The following AGO4 variants were observed in gnomAD, a reference collection of about 807,000 sequenced individuals.
AGO4 encodes argonaute RISC component 4.
In AGO4, 33 loss-of-function variants were observed where a neutral mutation model predicts 104.7. That is an observed-to-expected ratio of 0.32 (90% CI 0.24 to 0.42). AGO4 has a LOEUF of 0.42. Ranked by LOEUF, AGO4 falls within the 10% of genes least tolerant of loss-of-function variation. The pLI is 1.00. For synonymous variants in AGO4, 331 were observed against 364.7 expected, an observed-to-expected ratio of 0.91 and a Z score of 1.05; for missense variants, 711 against 1,083.4, an observed-to-expected ratio of 0.66 and a Z score of 4.83.
intron 2 of AGO4, 82 bp downstream of exon 2, chr1:35,817,129 C>A: frequency 7.4e-7 from 1 of 1,349,462 alleles, no homozygotes; most frequent in South Asian, 1.6e-5. Flanking sequence ...TAAATTCATC[C>A]AACATGTAGG....
intron 5 of AGO4, 33 bp downstream of exon 5, chr1:35,825,848 T>C: frequency 2.5e-6 from 4 of 1,593,424 alleles, no homozygotes; most frequent in East Asian, 2.2e-5. Flanking sequence ...CAATAACTCT[T>C]TGGGCTGGTT....
intron 1 of AGO4, among the ~76,000 whole-genome samples, chr1:35,816,371 T>A (rs1054644527): frequency 1.3e-5 from 2 of 152,156 alleles, no homozygotes; most frequent in Non-Finnish European, 1.5e-5. Flanking sequence ...TAATAGCAAC[T>A]TGGCAAAATA....
At position 35,841,645 on chromosome 1, in the gene AGO4, A is replaced by G. The variant is rs1644446034; in HGVS notation, c.2070A>G (p.Arg690=). 4 of 1,613,980 alleles carry G rather than the reference A, an allele frequency of 2.5e-6. No individual in the cohort carries two copies. Among genetic ancestry groups the G allele is most frequent in the Admixed American group, 3.3e-5 (2 of 59,976 alleles). ...CTTGGCCAGAACTAATAGCAATTCGAAAGGCATGTATTAGCTTGGAAGAAG... is the reference window on the plus strand; with the variant it reads ...CTTGGCCAGAACTAATAGCAATTCGGAAGGCATGTATTAGCTTGGAAGAAG... ...QVAWPELIAI[R]KACISLEEDY... Residue 690 remains arginine, a synonymous_variant, in exon 15 of 18, where the codon CGA becomes CGG. Coordinates refer to ENST00000373210, the MANE Select transcript of AGO4 (RefSeq NM_017629.4). This position sits in a 1 kb window ranked among gnomAD's most constrained non-coding sequence, Gnocchi z 4.7.
At chr1:35,833,085 C>T (rs1175124829) in intron 11 of AGO4, among the ~76,000 whole-genome samples, 1 of 151,988 alleles carries the variant, frequency 6.6e-6, no homozygotes, top group Non-Finnish European at 1.5e-5. Context: ...TCGAGATCAT[C>T]CTGGCCAACA....
rs5773512 is a variant in AGO4 at position 35,841,811 on chromosome 1, CATATATAT to C, written c.2175+81_2175+88del. On this transcript the variant is annotated intron_variant, in intron 15 of 17. Transcript: ENST00000373210. This position sits in a 1 kb window ranked among gnomAD's most constrained non-coding sequence, Gnocchi z 4.7. ...CTCTGGCAAGAGATGTATATATGCA[CATATATAT>C]ATATATATATATATATATACACCAT... is the stretch of plus-strand genomic sequence containing the variant. 1.2e-3 allele frequency: 720 copies of C among 605,338 alleles called. 3 individuals are homozygous for C. The highest frequency in any genetic ancestry group is 8.1e-3 in the Middle Eastern group (13 of 1,614). 37.5% of individuals were successfully genotyped at this position (605,338 alleles called of 1,614,324 possible). A position where few individuals can be genotyped will look rare whatever the true frequency, so the allele number is the denominator to read the frequency against.
intron 2 of AGO4, among the ~76,000 whole-genome samples, chr1:35,818,671 AAGG>A (rs1346488712): frequency 6.9e-6 from 1 of 145,026 alleles, no homozygotes; most frequent in Non-Finnish European, 1.5e-5. Flanking sequence ...GGAAGAAAGG[AAGG>A]AAGGAAGGAA....
chr1:35,835,122 T>C lies in AGO4; in HGVS notation c.1565-712T>C, dbSNP rs536219822. The stretch of plus-strand genomic sequence containing the variant: ...GCCTCTTGGGTTCAAGTGATTCTCC[T>C]GCCTCAGCCCCCCAAGTACTGGGAC... On this transcript the variant is annotated intron_variant, in intron 12 of 17. Coordinates refer to ENST00000373210, the MANE Select transcript of AGO4 (RefSeq NM_017629.4). Among the ~76,000 whole-genome samples the C allele has an allele frequency of 8.6e-5, 13 of 150,502 alleles. No homozygotes were observed. In the East Asian group the frequency reaches 2.5e-3, roughly 29 times the overall value.
chr1:35,835,322 G>T (rs1644285656), intron 12 of AGO4, among the ~76,000 whole-genome samples: 2 of 152,122 alleles, frequency 1.3e-5, no homozygotes, highest in South Asian at 2.1e-4. Flanking sequence ...CTCCCAAAGT[G>T]CTGAGATTAC....
chr1:35,842,027 A>G (rs1305271249), intron 15 of AGO4, among the ~76,000 whole-genome samples: 1 of 151,972 alleles, frequency 6.6e-6, no homozygotes, highest in African/African-American at 2.4e-5. Flanking sequence ...GAAACATGCC[A>G]GGTACATTGT....
chr1:35,816,546 A>T (rs1024200981), intron 1 of AGO4, among the ~76,000 whole-genome samples: 21 of 152,278 alleles, frequency 1.4e-4, no homozygotes, highest in Middle Eastern at 6.8e-3. Flanking sequence ...CACGCCTGTA[A>T]TCCCAGCACT....
chr1:35,825,223 C>T (rs2148660717), intron 3 of AGO4, 90 bp from the exon 4 acceptor site: 2 of 1,324,056 alleles, frequency 1.5e-6, no homozygotes, highest in South Asian at 1.4e-5. Context: ...AAGAAATATC[C>T]TTATGCATGT....
rs748047085 is a variant in AGO4, at chr1:35,850,290, T to C, written c.2277+32T>C. The C allele has an allele frequency of 2.2e-5, 34 of 1,543,090 alleles. 1 individual carries two copies. In the East Asian group the frequency reaches 3.6e-4, roughly 16 times the overall value. Reference sequence around the variant, plus strand: ...TGGAAGCTGGTTCAGATCTTTGACTTGATAGGGAGATGTTTGCAAATTCAG... The same window carrying C: ...TGGAAGCTGGTTCAGATCTTTGACTCGATAGGGAGATGTTTGCAAATTCAG... On this transcript the variant is annotated intron_variant, in intron 16 of 17. Coordinates refer to ENST00000373210, the MANE Select transcript of AGO4 (RefSeq NM_017629.4).
In AGO4 at chr1:35,825,955, C is replaced by A. The variant is rs1201750179; in HGVS notation, c.655C>A (p.Pro219Thr). Reference protein sequence around the residue: ...VSATAFYRAQPIIEFMCEVLD... With the variant: ...VSATAFYRAQTIIEFMCEVLD... Reference sequence around the variant, plus strand: ...TGCAACTGCTTTCTACCGGGCTCAGCCTATCATTGAGTTCATGTGTGAGGT... The same window carrying A: ...TGCAACTGCTTTCTACCGGGCTCAGACTATCATTGAGTTCATGTGTGAGGT... Residue 219 changes from proline (P) to threonine (T), a missense_variant, in exon 6 of 18, where the codon CCT (proline) becomes ACT (threonine). Transcript: ENST00000373210. 2 of 1,614,048 alleles carry A rather than the reference C, an allele frequency of 1.2e-6. No individual in the cohort carries two copies. Among genetic ancestry groups the A allele is most frequent in the African/African-American group, 1.3e-5 (1 of 74,920 alleles).
chr1:35,818,689 G>A (rs1463875715), intron 2 of AGO4, among the ~76,000 whole-genome samples: 4 of 150,804 alleles, frequency 2.7e-5, no homozygotes, highest in African/African-American at 4.9e-5. Flanking sequence ...AAGGAAGGAA[G>A]GAAGGAAGGA....
intron 8 of AGO4, 116 bp downstream of exon 8, chr1:35,831,690 A>T: frequency 6.5e-7 from 1 of 1,539,564 alleles, no homozygotes; most frequent in Admixed American, 2.1e-5. Context: ...TTTTTGGCAG[A>T]TGATTTCACT....
Position 35,857,579 on chromosome 1 carries a change from G to A in AGO4, c.*3974G>A, listed in dbSNP as rs1052368181. 2.0e-5 allele frequency: 3 copies of A among 152,142 alleles called. No individual in the cohort carries two copies. The highest frequency in any genetic ancestry group is 1.9e-4 in the East Asian group (1 of 5,202). 9.4% of individuals were successfully genotyped at this position (152,142 alleles called of 1,614,324 possible). ...CTCATGTTGAGATAAGATGATGGTC[G>A]TTTAAATTTTGCAATTTTTTTTGGC... On this transcript the variant is annotated 3_prime_UTR_variant, in exon 18 of 18. Transcript: ENST00000373210.
chr1:35,835,725 G>A, intron 12 of AGO4, 109 bp from the exon 13 acceptor site: 3 of 939,248 alleles, frequency 3.2e-6, no homozygotes, highest in Non-Finnish European at 4.6e-6. Context: ...CTAGCACAGT[G>A]TACAGTATAT....
intron 13 of AGO4, among the ~76,000 whole-genome samples, chr1:35,837,272 C>T (rs1644335487): frequency 6.6e-6 from 1 of 152,010 alleles, no homozygotes; most frequent in African/African-American, 2.4e-5. Context: ...TTAGTAGAGA[C>T]AGGGTTTCAC....
At chr1:35,826,558 T>C (rs1057407563) in intron 6 of AGO4, among the ~76,000 whole-genome samples, 190 bp from the exon 7 acceptor site, 9 of 152,208 alleles carry the variant, frequency 5.9e-5, no homozygotes, top group African/African-American at 2.2e-4. Context: ...AGATTGAGCA[T>C]CTTAGGTAAT....
Sources: gnomAD v4.1 joint callset for allele counts (sites outside exome capture counted in the v4.1 genomes callset) on GRCh38, gnomAD v4.1.1 for gene constraint, Gnocchi (gnomAD v3.1) non-coding constraint, MANE v1.5 for transcripts, NCBI Gene and HGNC (gene_info 2026-07-23, HGNC 2026-07-21) for gene names.